Variants in OPCML observed in about 807,000 individuals in gnomAD.
OPCML encodes the protein opioid-binding protein/cell adhesion molecule.
OPCML carries 13 observed loss-of-function variants against 37.8 expected under a neutral mutation model. That is an observed-to-expected ratio of 0.34 (90% CI 0.22 to 0.55). The LOEUF (loss-of-function observed/expected upper bound fraction) is 0.55. Among genes scored for constraint, OPCML ranks in the 20% least tolerant of loss-of-function variants. The probability of loss-of-function intolerance (pLI) is 0.91; values close to 1 mark genes in which losing one functional copy is unlikely to be tolerated. For synonymous variants in OPCML, 176 were observed against 168.8 expected, an observed-to-expected ratio of 1.04 and a Z score of -0.33; for missense variants, 341 against 435.6, an observed-to-expected ratio of 0.78 and a Z score of 1.93.
At chr11:133,288,683 G>C (rs924701943) in intron 1 of OPCML, among the ~76,000 whole-genome samples, 2 of 152,162 alleles carry the variant, frequency 1.3e-5, no homozygotes, top group Admixed American at 1.3e-4. Context: ...TCCCTTGGGG[G>C]TGCCGAGGGA....
Position 133,208,756 on chromosome 11 carries a change from G to A in OPCML, c.62-265746C>T, listed in dbSNP as rs1370708300. ...AAGACTGAAGCACACGTTATCTAAA[G>A]CAATGGCCCTTCTCTAGGACCAAAG... On this transcript the variant is annotated intron_variant, in intron 1 of 7. Coordinates refer to ENST00000524381, the MANE Select transcript of OPCML (RefSeq NM_001012393.5). The surrounding 1 kb of genome is among the most constrained non-coding windows in gnomAD (Gnocchi z 8.9). 6.6e-6 allele frequency among the ~76,000 whole-genome samples: 1 copy of A among 152,168 alleles called. No homozygotes were observed. The highest frequency in any genetic ancestry group is 2.4e-5 in the African/African-American group (1 of 41,432).
intron 1 of OPCML, among the ~76,000 whole-genome samples, chr11:133,364,945 T>C (rs905148524): frequency 2.0e-5 from 3 of 152,036 alleles, no homozygotes; most frequent in African/African-American, 7.2e-5. Context: ...TAGTCACAAC[T>C]TTTTCAAATA....
intron 2 of OPCML, among the ~76,000 whole-genome samples, chr11:132,922,324 T>C (rs932862728): frequency 1.3e-5 from 2 of 152,188 alleles, no homozygotes; most frequent in Non-Finnish European, 2.9e-5. Flanking sequence ...AATCTGATTT[T>C]ATCTCCCAGA....
At chr11:133,290,087 C>T (rs184958669) in intron 1 of OPCML, among the ~76,000 whole-genome samples, 27 of 152,284 alleles carry the variant, frequency 1.8e-4, no homozygotes, top group South Asian at 6.2e-4. Context: ...CCTCAAATTC[C>T]ACAGTGACAA....
intron 1 of OPCML, among the ~76,000 whole-genome samples, chr11:133,083,630 C>T (rs1281075648): frequency 1.3e-5 from 2 of 152,246 alleles, no homozygotes; most frequent in Non-Finnish European, 2.9e-5. Flanking sequence ...AGACCTGGCA[C>T]TCCATTCATA....
chr11:132,596,469 T>C (rs1418256791), intron 3 of OPCML, among the ~76,000 whole-genome samples: 1 of 152,106 alleles, frequency 6.6e-6, no homozygotes, highest in Non-Finnish European at 1.5e-5. Flanking sequence ...TTGGGGCCAG[T>C]AAGGAAAGAA....
chr11:133,209,165 T>G (rs1592106559), intron 1 of OPCML, among the ~76,000 whole-genome samples: 1 of 152,216 alleles, frequency 6.6e-6, no homozygotes, highest in African/African-American at 2.4e-5. Context: ...GGTGTAATTA[T>G]TTGTTTGATG....
chr11:133,483,024 A>G (rs1487318450), intron 1 of OPCML, among the ~76,000 whole-genome samples: 1 of 152,212 alleles, frequency 6.6e-6, no homozygotes, highest in Non-Finnish European at 1.5e-5. Context: ...TGATATGGCT[A>G]GTATTTAGAA....
At chr11:133,411,849 T>A (rs2136869098) in intron 1 of OPCML, among the ~76,000 whole-genome samples, 1 of 152,316 alleles carries the variant, frequency 6.6e-6, no homozygotes, top group East Asian at 1.9e-4. Flanking sequence ...TTTCTGTTTA[T>A]TGTCTTTGAC....
intron 1 of OPCML, among the ~76,000 whole-genome samples, chr11:133,165,234 G>A (rs1253183870): frequency 6.6e-6 from 1 of 152,136 alleles, no homozygotes; most frequent in South Asian, 2.1e-4. Context: ...CTCTCCAGTC[G>A]CACTGGGACG....
chr11:133,162,393 T>TA (rs1950155423), intron 1 of OPCML, among the ~76,000 whole-genome samples: 1 of 152,194 alleles, frequency 6.6e-6, no homozygotes, highest in Non-Finnish European at 1.5e-5. Context: ...AACATGAAGA[T>TA]AAAATGGAAC....
intron 3 of OPCML, among the ~76,000 whole-genome samples, chr11:132,618,954 TACACACACACACACACACACACACAC>T (rs6144570): frequency 4.8e-5 from 7 of 145,446 alleles, no homozygotes; most frequent in African/African-American, 7.5e-5. Context: ...AGCACACGCA[TACACACACACACACACACACACACAC>T]ACACACACAC....
intron 2 of OPCML, among the ~76,000 whole-genome samples, chr11:132,899,641 G>C (rs538786923): frequency 6.6e-6 from 1 of 152,208 alleles, no homozygotes; most frequent in South Asian, 2.1e-4. Context: ...AATTTGACTG[G>C]ATTAAGGAAT....
chr11:132,643,120 A>T (rs1237197669), intron 3 of OPCML, among the ~76,000 whole-genome samples: 1 of 150,958 alleles, frequency 6.6e-6, no homozygotes, highest in Non-Finnish European at 1.5e-5. Context: ...CTCTACTAAA[A>T]ATACAAAACA....
At chr11:132,658,339 C>T (rs1941805940) in intron 2 of OPCML, among the ~76,000 whole-genome samples, 1 of 152,208 alleles carries the variant, frequency 6.6e-6, no homozygotes, top group African/African-American at 2.4e-5. Flanking sequence ...TAGGCATGGC[C>T]TTCCCTCACT....
At chr11:133,045,271 C>T (rs1408139848) in intron 1 of OPCML, among the ~76,000 whole-genome samples, 2 of 152,214 alleles carry the variant, frequency 1.3e-5, no homozygotes, top group Non-Finnish European at 2.9e-5. Flanking sequence ...ATTTTGTCCC[C>T]TCCTGAGATG....
Position 132,657,202 on chromosome 11 carries a change from T to C in OPCML, c.264A>G (p.Pro88=). 4 of 1,614,264 alleles carry C rather than the reference T, an allele frequency of 2.5e-6. No homozygotes were observed. The highest frequency in any genetic ancestry group is 3.4e-6 in the Non-Finnish European group (4 of 1,180,054). The change falls in exon 3 of 8, where the codon CCA becomes CCG. Residue 88 remains proline (P), a synonymous_variant. Coordinates refer to ENST00000524381, the MANE Select transcript of OPCML (RefSeq NM_001012393.5). ...DPRVIILVNT[P]TQYSIMIQNV... ...TTTGGATCATGATGCTGTACTGGGT[T>C]GGTGTATTGACCAGGATGATCACAC...
At chr11:133,069,379 G>C (rs994893105) in intron 1 of OPCML, among the ~76,000 whole-genome samples, 8 of 152,126 alleles carry the variant, frequency 5.3e-5, no homozygotes, top group Non-Finnish European at 1.2e-4. Flanking sequence ...TGCTGTTTTC[G>C]AAGGTTCATC....
chr11:133,504,489 G>A (rs1157508704), intron 1 of OPCML, among the ~76,000 whole-genome samples: 4 of 152,216 alleles, frequency 2.6e-5, no homozygotes, highest in African/African-American at 9.6e-5. Flanking sequence ...TGGAAGGACA[G>A]AGATGGATAC....
Sources: allele counts gnomAD v4.1 joint callset (sites outside exome capture counted in the v4.1 genomes callset), GRCh38; gene constraint gnomAD v4.1.1; non-coding constraint Gnocchi (gnomAD v3.1); transcripts MANE v1.5; gene names NCBI Gene and HGNC (gene_info 2026-07-23, HGNC 2026-07-21).